ZNF770: variants seen among roughly 807,000 people sequenced by gnomAD.
ZNF770 encodes the protein zinc finger protein 770.
Under a neutral mutation model 44.8 loss-of-function variants are expected in ZNF770, and 13 were observed. The observed-to-expected ratio is 0.29, with a 90% CI of 0.19 to 0.46. The LOEUF is 0.46. ZNF770 is among the 20% of genes least tolerant of loss of function. The pLI is 1.00. For synonymous variants in ZNF770, 304 were observed against 271.8 expected (o/e 1.12, Z -1.17); for missense variants, 681 against 797.9 (o/e 0.85, Z 1.77).
Position 34,982,506 on chromosome 15 carries a change from T to C in ZNF770, c.929A>G (p.Asn310Ser), listed in dbSNP as rs1425263029. The C allele has an allele frequency of 1.7e-5, 27 of 1,613,934 alleles. No homozygotes were observed. Among genetic ancestry groups the C allele is most frequent in the African/African-American group, 2.7e-5 (2 of 74,920 alleles). Residue 310 changes from asparagine to serine, a missense_variant, in exon 3 of 3, where the codon AAT (asparagine) becomes AGT (serine). Transcript: ENST00000356321. ...TCTAGCAGCAAAACAGCTGTGTTCA[T>C]TGAGAATCTGCTCTGATTCAAAACA... ...EKCFESEQILNEHSCFAARSG... is the reference protein window; with the variant it reads ...EKCFESEQILSEHSCFAARSG...
rs2050398980 is a variant in ZNF770 at position 34,981,166 on chromosome 15, T to C, written c.*193A>G. On this transcript the variant is annotated 3_prime_UTR_variant, in exon 3 of 3. Transcript: ENST00000356321. ...TAGCATCAAATCATGTTCTTGCCTC[T>C]AAAATTAACTTGGCTGTTTCTAAAA... 2 of 589,698 alleles carry C rather than the reference T, an allele frequency of 3.4e-6. No individual in the cohort carries two copies. Among genetic ancestry groups the C allele is most frequent in the Non-Finnish European group, 5.8e-6 (2 of 346,954 alleles). 36.5% of individuals were successfully genotyped at this position (589,698 alleles called of 1,614,324 possible). A position where few individuals can be genotyped will look rare whatever the true frequency, so the allele number is the denominator to read the frequency against.
rs1477278717 is a variant in ZNF770, at chr15:34,981,693, T to C, written c.1742A>G (p.Lys581Arg). ...AGGAATAAAATCCTGTGACTCTGCCTTAACTCCTGACATTTGATCTGACTC... is the reference window on the plus strand; with the variant it reads ...AGGAATAAAATCCTGTGACTCTGCCCTAACTCCTGACATTTGATCTGACTC... ...VSESDQMSGV[K>R]AESQDFIPGS... Residue 581 changes from lysine to arginine, a missense_variant, in exon 3 of 3, where the codon AAG becomes AGG. Lys to Arg is a conservative substitution (Grantham distance 26, BLOSUM62 2). This residue lies in a region of ZNF770 where 148 missense variants were observed against 191.0 expected (regional missense o/e 0.77). Transcript: ENST00000356321. The C allele has an allele frequency of 6.2e-7, 1 of 1,614,032 alleles. No homozygotes were observed. Among genetic ancestry groups the C allele is most frequent in the South Asian group, 1.1e-5 (1 of 91,088 alleles).
intron 2 of ZNF770, 69 bp downstream of exon 2, chr15:34,987,488 C>CT (rs1295084849): frequency 3.9e-5 from 6 of 152,194 alleles, no homozygotes; most frequent in African/African-American, 1.4e-4. Flanking sequence ...CTCAGTGGTT[C>CT]AATCCAGAAT....
chr15:34,984,434 A>C (rs2140522320), intron 2 of ZNF770, among the ~76,000 whole-genome samples: 1 of 152,210 alleles, frequency 6.6e-6, no homozygotes, highest in South Asian at 2.1e-4. Context: ...AGGCTGGTGG[A>C]TCACCTGAGG....
rs1473068078 is a variant in ZNF770, at chr15:34,980,493, A to C, written c.*866T>G. On this transcript the variant is annotated 3_prime_UTR_variant, in exon 3 of 3. Transcript: ENST00000356321. ...GTCCTAAAAATAAATAGCTTTGAAAAGACCGTCGGGTGCGGTGGCTCATGC... is the reference window on the plus strand; with the variant it reads ...GTCCTAAAAATAAATAGCTTTGAAACGACCGTCGGGTGCGGTGGCTCATGC... 1 of 152,238 alleles carries C rather than the reference A, an allele frequency of 6.6e-6. No individual in the cohort carries two copies. The highest frequency in any genetic ancestry group is 2.4e-5 in the African/African-American group (1 of 41,452). The allele number at this position is 152,238 out of a possible 1,614,324, so 9.4% of individuals were successfully genotyped here.
chr15:34,978,931 T>G lies in ZNF770; in HGVS notation c.*2428A>C, dbSNP rs1274800206. 1 of 152,302 alleles carries G rather than the reference T, an allele frequency of 6.6e-6. No individual in the cohort carries two copies. Among genetic ancestry groups the G allele is most frequent in the East Asian group, 1.9e-4 (1 of 5,200 alleles). The allele number at this position is 152,302 out of a possible 1,614,324, so 9.4% of individuals were successfully genotyped here. On this transcript the variant is annotated 3_prime_UTR_variant, in exon 3 of 3. Coordinates refer to ENST00000356321, the MANE Select transcript of ZNF770 (RefSeq NM_014106.4). ...TAATGCAATGTAAATGCTATTTAAA[T>G]AACTGTTATACTGTATTTTTATTTG...
rs1434387968 is a variant in ZNF770, at chr15:34,982,507, T to G, written c.928A>C (p.Asn310His). 1 of 1,614,064 alleles carries G rather than the reference T, an allele frequency of 6.2e-7. No homozygotes were observed. The highest frequency in any genetic ancestry group is 8.5e-7 in the Non-Finnish European group (1 of 1,179,992). Residue 310 changes from asparagine (N) to histidine (H), a missense_variant, in exon 3 of 3, where the codon AAT (asparagine) becomes CAT (histidine). Coordinates refer to ENST00000356321, the MANE Select transcript of ZNF770 (RefSeq NM_014106.4). ...CTAGCAGCAAAACAGCTGTGTTCAT[T>G]GAGAATCTGCTCTGATTCAAAACAC... is the stretch of plus-strand genomic sequence containing the variant. ...EKCFESEQIL[N>H]EHSCFAARSG... is the part of the protein sequence containing the mutation.
In ZNF770 at chr15:34,980,514, C is replaced by T. The variant is rs1208835649; in HGVS notation, c.*845G>A. ...GAAAAGACCGTCGGGTGCGGTGGCTCATGCCTGTAATCCCAGCACTTTGGG... is the reference window on the plus strand; with the variant it reads ...GAAAAGACCGTCGGGTGCGGTGGCTTATGCCTGTAATCCCAGCACTTTGGG... On this transcript the variant is annotated 3_prime_UTR_variant, in exon 3 of 3. Transcript: ENST00000356321. 2 of 152,320 alleles carry T rather than the reference C, an allele frequency of 1.3e-5. No homozygotes were observed. The highest frequency in any genetic ancestry group is 2.1e-4 in the South Asian group (1 of 4,820). 9.4% of individuals were successfully genotyped at this position (152,320 alleles called of 1,614,324 possible).
chr15:34,982,331 AT>A lies in ZNF770; in HGVS notation c.1103del (p.Asn368IlefsTer39). 6.2e-7 allele frequency: 1 copy of A among 1,608,780 alleles called. No homozygotes were observed. The highest frequency in any genetic ancestry group is 8.5e-7 in the Non-Finnish European group (1 of 1,178,678). The stretch of plus-strand genomic sequence containing the variant: ...TCTGCTCACCAGAAATAAGATCACA[AT>A]TTCTCAAGAAACTCTTTTTAAATAC... ...KKVFKKSFLR[N>X]CDLISGEQSS... On this transcript the variant is annotated frameshift_variant, in exon 3 of 3. Coordinates refer to ENST00000356321, the MANE Select transcript of ZNF770 (RefSeq NM_014106.4). LOFTEE classifies it high-confidence loss of function.
chr15:34,982,012 ATATCT>A lies in ZNF770; in HGVS notation c.1418_1422del (p.Lys473MetfsTer4), dbSNP rs1566798005. On this transcript the variant is annotated frameshift_variant, in exon 3 of 3. Transcript: ENST00000356321. LOFTEE classifies it high-confidence loss of function. ...ACCTTCTCACATTTGTCACAAGGAC[ATATCT>A]TATGTCTAGTACGTATGTTTTCCCT... The A allele has an allele frequency of 6.2e-7, 1 of 1,613,750 alleles. No homozygotes were observed. Among genetic ancestry groups the A allele is most frequent in the Non-Finnish European group, 8.5e-7 (1 of 1,179,962 alleles).
Position 34,983,499 on chromosome 15 carries a change from T to TAAA in ZNF770, c.-56-12_-56-10dup, listed in dbSNP as rs1277110437. 1 of 1,283,408 alleles carries TAAA rather than the reference T, an allele frequency of 7.8e-7. No individual in the cohort carries two copies. The highest frequency in any genetic ancestry group is 1.5e-5 in the African/African-American group (1 of 64,770). The allele number at this position is 1,283,408 out of a possible 1,614,324, so 79.5% of individuals were successfully genotyped here. ...TTAAATTCCACAGATGTCTAAAAAT[T>TAAA]AAAGGAAAAAAAGTATTAATTTTAA... On this transcript the variant is annotated splice_polypyrimidine_tract_variant and intron_variant, in intron 2 of 2. Coordinates refer to ENST00000356321, the MANE Select transcript of ZNF770 (RefSeq NM_014106.4).
intron 2 of ZNF770, among the ~76,000 whole-genome samples, chr15:34,984,258 T>G (rs2050421208): frequency 6.6e-6 from 1 of 152,234 alleles, no homozygotes; most frequent in African/African-American, 2.4e-5. Flanking sequence ...TAAGGAACTA[T>G]TTAGCTCAAC....
chr15:34,979,869 G>A lies in ZNF770; in HGVS notation c.*1490C>T. Reference sequence around the variant, plus strand: ...CATTCCTGAAGATTTTATAAACAAAGGCAAATATGAAGGAAAATTTGTAAT... The same window carrying A: ...CATTCCTGAAGATTTTATAAACAAAAGCAAATATGAAGGAAAATTTGTAAT... On this transcript the variant is annotated 3_prime_UTR_variant, in exon 3 of 3. Coordinates refer to ENST00000356321, the MANE Select transcript of ZNF770 (RefSeq NM_014106.4). 2 of 295,200 alleles carry A rather than the reference G, an allele frequency of 6.8e-6. No individual in the cohort carries two copies. Among genetic ancestry groups the A allele is most frequent in the South Asian group, 2.7e-5 (1 of 36,646 alleles). The allele number at this position is 295,200 out of a possible 1,614,324, so 18.3% of individuals were successfully genotyped here. A position where few individuals can be genotyped will look rare whatever the true frequency, so the allele number is the denominator to read the frequency against.
Position 34,981,330 on chromosome 15 carries a change from A to G in ZNF770, c.*29T>C. ...CAGGCTTTAAAAATAAGATCACCAG[A>G]GACCACAATTGTTAGTGGTTGCGAC... On this transcript the variant is annotated 3_prime_UTR_variant, in exon 3 of 3. Transcript: ENST00000356321. 6.4e-7 allele frequency: 1 copy of G among 1,571,178 alleles called. No homozygotes were observed. Among genetic ancestry groups the G allele is most frequent in the Non-Finnish European group, 8.6e-7 (1 of 1,164,478 alleles).
chr15:34,984,538 A>C (rs1260745708), intron 2 of ZNF770, among the ~76,000 whole-genome samples: 1 of 151,864 alleles, frequency 6.6e-6, no homozygotes, highest in East Asian at 1.9e-4. Flanking sequence ...CACACCTGTA[A>C]TCCCAGCTAC....
chr15:34,979,693 G>T lies in ZNF770; in HGVS notation c.*1666C>A. The stretch of plus-strand genomic sequence containing the variant: ...CCCCCCTGTCAAAAGAAAGTTCTCA[G>T]TTTATGATGCAAAACTTACAATTGT... On this transcript the variant is annotated 3_prime_UTR_variant, in exon 3 of 3. Transcript: ENST00000356321. The T allele has an allele frequency of 2.3e-6, 1 of 443,644 alleles. No homozygotes were observed. Among genetic ancestry groups the T allele is most frequent in the Non-Finnish European group, 4.5e-6 (1 of 222,678 alleles). 27.5% of individuals were successfully genotyped at this position (443,644 alleles called of 1,614,324 possible). A position where few individuals can be genotyped will look rare whatever the true frequency, so the allele number is the denominator to read the frequency against.
chr15:34,981,755 T>G lies in ZNF770; in HGVS notation c.1680A>C (p.Gln560His). Residue 560 changes from glutamine (Q) to histidine (H), a missense_variant, in exon 3 of 3, where the codon CAA becomes CAC. Coordinates refer to ENST00000356321, the MANE Select transcript of ZNF770 (RefSeq NM_014106.4). ...ATTTTTGAACACCAGGAGCCTGACA[T>G]TGTTGGGAAGCATTATAGTTAACAT... Reference protein sequence around the residue: ...GNNVNYNASQQCQAPGVQKYE... With the variant: ...GNNVNYNASQHCQAPGVQKYE... 1 of 1,614,142 alleles carries G rather than the reference T, an allele frequency of 6.2e-7. No homozygotes were observed. The highest frequency in any genetic ancestry group is 1.3e-5 in the African/African-American group (1 of 75,056).
At position 34,982,909 on chromosome 15, in the gene ZNF770, C is replaced by A; in HGVS notation, c.526G>T (p.Asp176Tyr). 1 of 1,614,006 alleles carries A rather than the reference C, an allele frequency of 6.2e-7. No individual in the cohort carries two copies. The highest frequency in any genetic ancestry group is 8.5e-7 in the Non-Finnish European group (1 of 1,179,978). ...GKMFPSQSKL[D>Y]RHVLIHTGQR... is the part of the protein sequence containing the mutation. The stretch of plus-strand genomic sequence containing the variant: ...CCAGTATGAATAAGTACATGCCTAT[C>A]AAGTTTTGACTGTGATGGAAACATC... The change falls in exon 3 of 3, where the codon GAT (aspartate) becomes TAT (tyrosine). Residue 176 changes from aspartate to tyrosine, a missense_variant. By Grantham distance (160) the Asp-to-Tyr change is radical. Transcript: ENST00000356321.
chr15:34,986,699 G>T (rs2050436832), intron 2 of ZNF770, among the ~76,000 whole-genome samples: 1 of 152,308 alleles, frequency 6.6e-6, no homozygotes, highest in Middle Eastern at 3.4e-3. Flanking sequence ...TCACTGAAAG[G>T]AGCCCCTAAC....
Sources: allele counts gnomAD v4.1 joint callset (sites outside exome capture counted in the v4.1 genomes callset), GRCh38; gene constraint gnomAD v4.1.1; regional missense constraint gnomAD v4.1.1; transcripts MANE v1.5; gene names NCBI Gene and HGNC (gene_info 2026-07-23, HGNC 2026-07-21).